The following MAGI2 variants were observed in gnomAD, a reference collection of about 807,000 sequenced individuals.
MAGI2 encodes the protein membrane associated guanylate kinase, WW and PDZ domain containing 2, also known as membrane-associated guanylate kinase, WW and PDZ domain-containing protein 2.
In MAGI2, 35 loss-of-function variants were observed where a neutral mutation model predicts 133.3. The observed-to-expected ratio is 0.26, with a 90% CI of 0.20 to 0.35. The LOEUF is 0.35. Among genes scored for constraint, MAGI2 ranks in the 10% least tolerant of loss-of-function variants. The pLI is 1.00. For missense variants in MAGI2, 1,636 were observed against 1,863.4 expected (o/e 0.88, Z 2.25); for synonymous variants, 729 against 710.6 (o/e 1.03, Z -0.41).
rs10542588 is a variant in MAGI2 at position 78,812,586 on chromosome 7, A to ATGTGTGTG, written c.419-185355_419-185348dup. On this transcript the variant is annotated intron_variant, in intron 2 of 21. Coordinates refer to ENST00000354212, the MANE Select transcript of MAGI2 (RefSeq NM_012301.4). ...GTTATCTACCTACATATATGTATGT[A>ATGTGTGTG]TGTGTGTGTGTGTGTGTGTGTGTGT... 3.4e-3 allele frequency among the ~76,000 whole-genome samples: 508 copies of ATGTGTGTG among 149,428 alleles called. 1 individual carries two copies. The highest frequency in any genetic ancestry group is 0.011 in the African/African-American group (446 of 40,540).
chr7:78,728,862 G>A (rs1174649923), intron 2 of MAGI2, among the ~76,000 whole-genome samples: 1 of 124,288 alleles, frequency 8.0e-6, no homozygotes, highest in Non-Finnish European at 1.8e-5. Flanking sequence ...ACCGCGCCCG[G>A]CCCCATCTTT....
Position 78,019,134 on chromosome 7 carries a change from G to T in MAGI2, c.*181C>A. Reference sequence around the variant, plus strand: ...GGGGCTTTAGGATCAGTTTAGGTCTGCGCGTTGATGCGATGCCGCCCAAGC... The same window carrying T: ...GGGGCTTTAGGATCAGTTTAGGTCTTCGCGTTGATGCGATGCCGCCCAAGC... On this transcript the variant is annotated 3_prime_UTR_variant, in exon 22 of 22. Transcript: ENST00000354212. The T allele has an allele frequency of 1.5e-6, 1 of 662,958 alleles. No individual in the cohort carries two copies. Among genetic ancestry groups the T allele is most frequent in the Non-Finnish European group, 2.5e-6 (1 of 403,732 alleles). 41.1% of individuals were successfully genotyped at this position (662,958 alleles called of 1,614,324 possible).
At chr7:78,534,819 T>C (rs1202679164) in intron 3 of MAGI2, among the ~76,000 whole-genome samples, 1 of 151,732 alleles carries the variant, frequency 6.6e-6, no homozygotes, top group African/African-American at 2.4e-5. Context: ...ATAGCACTGA[T>C]GTCTAAAGTG....
intron 1 of MAGI2, among the ~76,000 whole-genome samples, chr7:79,135,993 A>AAGAGAGAGAG (rs1554375862): frequency 2.0e-5 from 1 of 49,598 alleles, no homozygotes; most frequent in African/African-American, 5.2e-5. Context: ...GAAAGAAAGA[A>AAGAGAGAGAG]AGAAAGAAAG....
intron 1 of MAGI2, among the ~76,000 whole-genome samples, chr7:79,349,462 T>TTAATAATAATAATAATAA (rs150162426): frequency 6.6e-6 from 1 of 151,368 alleles, no homozygotes; most frequent in African/African-American, 2.4e-5. Context: ...ATTCTTTTAG[T>TTAATAATAATAATAATAA]TAATAATAAT....
intron 1 of MAGI2, among the ~76,000 whole-genome samples, chr7:79,433,274 A>G (rs1004898345): frequency 9.9e-5 from 15 of 152,104 alleles, no homozygotes; most frequent in African/African-American, 3.6e-4. Context: ...TGTTTTGGCC[A>G]GGCGCGGTGG....
chr7:79,179,106 C>T (rs971243900), intron 1 of MAGI2, among the ~76,000 whole-genome samples: 4 of 151,910 alleles, frequency 2.6e-5, no homozygotes, highest in African/African-American at 9.7e-5. Context: ...TGCATAGTAA[C>T]ATTTCAGTAA....
chr7:78,250,759 C>A (rs908314975), intron 10 of MAGI2, among the ~76,000 whole-genome samples: 1 of 151,948 alleles, frequency 6.6e-6, no homozygotes, highest in African/African-American at 2.4e-5. Flanking sequence ...AACCTTCCTA[C>A]AAATAAAAGC....
intron 13 of MAGI2, among the ~76,000 whole-genome samples, chr7:78,182,539 T>G (rs1386107982): frequency 1.3e-5 from 2 of 152,156 alleles, no homozygotes; most frequent in Non-Finnish European, 2.9e-5. Flanking sequence ...CTTCCTTCCA[T>G]CTCTTTCTAG....
chr7:78,308,906 G>A (rs892977605), intron 9 of MAGI2, among the ~76,000 whole-genome samples: 1 of 152,172 alleles, frequency 6.6e-6, no homozygotes, highest in Non-Finnish European at 1.5e-5. Context: ...TTCATTAACA[G>A]TACACTACGT....
intron 2 of MAGI2, among the ~76,000 whole-genome samples, chr7:78,796,045 T>C (rs1787585309): frequency 3.3e-5 from 5 of 152,096 alleles, no homozygotes; most frequent in African/African-American, 1.2e-4. Context: ...AAGAAAACAC[T>C]GTGGAAATGC....
chr7:78,496,283 G>T (rs1300357949), intron 5 of MAGI2, among the ~76,000 whole-genome samples: 4 of 152,178 alleles, frequency 2.6e-5, no homozygotes, highest in African/African-American at 9.6e-5. Flanking sequence ...GGTTTCAAAA[G>T]CCTGCATTTA....
chr7:78,053,956 T>A (rs142892740), intron 21 of MAGI2, among the ~76,000 whole-genome samples: 3,461 of 150,204 alleles, frequency 0.023, 67 homozygotes, highest in South Asian at 0.077. Flanking sequence ...AGCACACTTG[T>A]ACTCCCCCGA....
intron 1 of MAGI2, among the ~76,000 whole-genome samples, chr7:79,373,117 T>C (rs1843157828): frequency 6.6e-6 from 1 of 152,070 alleles, no homozygotes; most frequent in Non-Finnish European, 1.5e-5. Context: ...TTTGGTAATC[T>C]TAAAAAATCC....
chr7:78,614,180 C>T (rs565893898), intron 3 of MAGI2, among the ~76,000 whole-genome samples: 7 of 150,738 alleles, frequency 4.6e-5, no homozygotes, highest in Non-Finnish European at 8.8e-5. Flanking sequence ...ACCAAGATAG[C>T]GATGTATTAT....
intron 2 of MAGI2, among the ~76,000 whole-genome samples, chr7:78,720,140 A>G (rs988783944): frequency 6.6e-6 from 1 of 152,176 alleles, no homozygotes; most frequent in Non-Finnish European, 1.5e-5. Context: ...TATCTAATTA[A>G]CTATATATAA....
intron 1 of MAGI2, among the ~76,000 whole-genome samples, chr7:79,044,498 A>C (rs1811987950): frequency 6.6e-6 from 1 of 152,198 alleles, no homozygotes. Flanking sequence ...AAAAGTTGAA[A>C]GCATTTACCT....
At chr7:79,424,229 C>T (rs1250237180) in intron 1 of MAGI2, among the ~76,000 whole-genome samples, 1 of 151,340 alleles carries the variant, frequency 6.6e-6, no homozygotes, top group Non-Finnish European at 1.5e-5. Context: ...CAGATTCACC[C>T]ATGTTGTTGC....
chr7:78,053,308 G>A (rs1328044076), intron 21 of MAGI2, among the ~76,000 whole-genome samples: 2 of 152,182 alleles, frequency 1.3e-5, no homozygotes, highest in African/African-American at 4.8e-5. Context: ...CTTTCAAAGA[G>A]CTTTGTCAGA....
Sources: gnomAD v4.1 joint callset for allele counts (sites outside exome capture counted in the v4.1 genomes callset) on GRCh38, gnomAD v4.1.1 for gene constraint, MANE v1.5 for transcripts, NCBI Gene and HGNC (gene_info 2026-07-23, HGNC 2026-07-21) for gene names.